MGAT5B: variants seen among roughly 807,000 people sequenced by gnomAD.
MGAT5B encodes alpha-1,6-mannosylglycoprotein 6-beta-N-acetylglucosaminyltransferase B.
Under a neutral mutation model 95.1 loss-of-function variants are expected in MGAT5B, and 54 were observed. The ratio of observed to expected loss-of-function variants is 0.57; its 90% CI spans 0.46 to 0.71. MGAT5B has a LOEUF of 0.71. Among genes scored for constraint, MGAT5B ranks in the 30% least tolerant of loss-of-function variants. MGAT5B has a pLI of 0.00. For missense variants in MGAT5B, 935 were observed against 1,088.6 expected, an observed-to-expected ratio of 0.86 and a Z score of 1.99; for synonymous variants, 464 against 451.0, an observed-to-expected ratio of 1.03 and a Z score of -0.36.
At chr17:76,942,139 G>A (rs940678622) in intron 15 of MGAT5B, among the ~76,000 whole-genome samples, 2 of 152,224 alleles carry the variant, frequency 1.3e-5, no homozygotes, top group Non-Finnish European at 2.9e-5. Flanking sequence ...TAGACAGAGT[G>A]GGGAGGGATA....
chr17:76,942,144 G>A (rs573904326), intron 15 of MGAT5B, among the ~76,000 whole-genome samples: 3 of 152,220 alleles, frequency 2.0e-5, no homozygotes, highest in Non-Finnish European at 2.9e-5. Flanking sequence ...AGAGTGGGGA[G>A]GGATAAAAAG....
intron 2 of MGAT5B, among the ~76,000 whole-genome samples, chr17:76,879,456 T>C (rs902738699): frequency 2.0e-5 from 3 of 152,148 alleles, no homozygotes; most frequent in Non-Finnish European, 2.9e-5. Flanking sequence ...GGATGAAACA[T>C]TCCTTTTTTC....
rs142267650 is a variant in MGAT5B at position 76,947,862 on chromosome 17, A to G, written c.1956A>G (p.Pro652=). The change falls in exon 17 of 18, where the codon CCA becomes CCG. Residue 652 remains proline, a synonymous_variant. Coordinates refer to ENST00000569840, the MANE Select transcript of MGAT5B (RefSeq NM_001199172.2). ...DFCRAPDPAL[P]EAHAPQSPFV... is the part of the protein sequence containing the mutation. ...GCAGAGCTCCAGACCCTGCCCTACC[A>G]GAGGCCCACGCCCCGCAGAGCCCCT... 37 of 1,592,632 alleles carry G rather than the reference A, an allele frequency of 2.3e-5. No homozygotes were observed. Among genetic ancestry groups the G allele is most frequent in the Non-Finnish European group, 2.7e-5 (32 of 1,166,238 alleles).
Position 76,940,006 on chromosome 17 carries a change from T to C in MGAT5B, c.1585-396T>C, listed in dbSNP as rs1969811862. The stretch of plus-strand genomic sequence containing the variant: ...AGATGCTGAATAAATGTTTTTGGGA[T>C]GAGTGAGTGAGGTTCCTGGAGGTCT... On this transcript the variant is annotated intron_variant, in intron 13 of 17. Coordinates refer to ENST00000569840, the MANE Select transcript of MGAT5B (RefSeq NM_001199172.2). This position sits in a 1 kb window ranked among gnomAD's most constrained non-coding sequence, Gnocchi z 4.3. 6.6e-6 allele frequency among the ~76,000 whole-genome samples: 1 copy of C among 152,134 alleles called. No homozygotes were observed. The highest frequency in any genetic ancestry group is 1.5e-5 in the Non-Finnish European group (1 of 68,018).
chr17:76,908,623 A>C (rs1372568426), intron 8 of MGAT5B, among the ~76,000 whole-genome samples: 1 of 151,896 alleles, frequency 6.6e-6, no homozygotes, highest in Non-Finnish European at 1.5e-5. Flanking sequence ...ATATGTGTAC[A>C]TATTTATGGG....
At position 76,906,252 on chromosome 17, in the gene MGAT5B, C is replaced by T; in HGVS notation, c.1025+65C>T. On this transcript the variant is annotated intron_variant, in intron 8 of 17. Transcript: ENST00000569840. The surrounding 1 kb of genome is among the most constrained non-coding windows in gnomAD (Gnocchi z 4.6). ...GGAGGGGATGAAGGGGAACCCCACC[C>T]CTCCCTCCCAGGGGCTGTGGGAGCA... is the stretch of plus-strand genomic sequence containing the variant. 1.3e-6 allele frequency: 2 copies of T among 1,489,680 alleles called. No homozygotes were observed. The highest frequency in any genetic ancestry group is 2.5e-5 in the Admixed American group (1 of 39,458). The allele number at this position is 1,489,680 out of a possible 1,614,324, so 92.3% of individuals were successfully genotyped here.
Position 76,916,797 on chromosome 17 carries a change from G to C in MGAT5B, c.1026-8169G>C, listed in dbSNP as rs185426609. ...CAGTGTTCTTCCTCTGCCAAGGACA[G>C]ACCAAGAGAGCGTCTTGTCAGATGG... On this transcript the variant is annotated intron_variant, in intron 8 of 17. Transcript: ENST00000569840. The surrounding 1 kb of genome is among the most constrained non-coding windows in gnomAD (Gnocchi z 5.3). Among the ~76,000 whole-genome samples, 17 of 152,286 alleles carry C rather than the reference G, an allele frequency of 1.1e-4. No individual in the cohort carries two copies. Among genetic ancestry groups the C allele is most frequent in the Admixed American group, 7.8e-4 (12 of 15,292 alleles).
At chr17:76,901,393 T>C (rs1598930579) in intron 3 of MGAT5B, among the ~76,000 whole-genome samples, 1 of 137,670 alleles carries the variant, frequency 7.3e-6, no homozygotes, top group Non-Finnish European at 1.5e-5. Flanking sequence ...GGAAACCGAA[T>C]TAATGTGTTA....
intron 15 of MGAT5B, among the ~76,000 whole-genome samples, chr17:76,942,442 G>A (rs962445751): frequency 6.6e-6 from 1 of 152,092 alleles, no homozygotes; most frequent in Non-Finnish European, 1.5e-5. Context: ...CAGGAGAATC[G>A]CTTGAACCTG....
In MGAT5B at chr17:76,946,464, C is replaced by A. The variant is rs1970033165; in HGVS notation, c.1923+14C>A. 2 of 1,572,116 alleles carry A rather than the reference C, an allele frequency of 1.3e-6. No individual in the cohort carries two copies. The highest frequency in any genetic ancestry group is 1.8e-5 in the Admixed American group (1 of 56,268). ...ATCCAGCACCAGGTCAGTGAGCCCT[C>A]TGGTCCCTGCCCCAGATCCTGTCAG... On this transcript the variant is annotated intron_variant, in intron 16 of 17. Coordinates refer to ENST00000569840, the MANE Select transcript of MGAT5B (RefSeq NM_001199172.2).
rs752325970 is a variant in MGAT5B at position 76,882,233 on chromosome 17, G to T, written c.264G>T (p.Leu88=). ...LELMVKRMDA[L]ARLENSSELH... is the part of the protein sequence containing the mutation. ...TGATGGTGAAGCGCATGGACGCACT[G>T]GCCAGGCTGGAGAACAGCAGTGAGC... The change falls in exon 3 of 18, where the codon CTG becomes CTT. Residue 88 remains leucine (L), a synonymous_variant. Coordinates refer to ENST00000569840, the MANE Select transcript of MGAT5B (RefSeq NM_001199172.2). 12 of 1,613,562 alleles carry T rather than the reference G, an allele frequency of 7.4e-6. No individual in the cohort carries two copies. In the African/African-American group the frequency reaches 1.6e-4, roughly 22 times the overall value.
chr17:76,910,672 G>A (rs1053939380), intron 8 of MGAT5B, among the ~76,000 whole-genome samples: 4 of 152,234 alleles, frequency 2.6e-5, no homozygotes, highest in Non-Finnish European at 5.9e-5. Flanking sequence ...CAGAGAATCA[G>A]TGTTTTCTAC....
intron 9 of MGAT5B, among the ~76,000 whole-genome samples, chr17:76,926,006 A>G (rs1344331637): frequency 6.6e-6 from 1 of 152,186 alleles, no homozygotes; most frequent in Admixed American, 6.5e-5. Flanking sequence ...TGGAGACAGC[A>G]GAGGGAGAAG....
chr17:76,884,502 C>G (rs990021010), intron 3 of MGAT5B, among the ~76,000 whole-genome samples: 1 of 152,088 alleles, frequency 6.6e-6, no homozygotes, highest in Non-Finnish European at 1.5e-5. Flanking sequence ...GGCACGGTCT[C>G]GGGTCACTGC....
At chr17:76,919,920 G>T (rs1005200899) in intron 8 of MGAT5B, among the ~76,000 whole-genome samples, 3 of 152,104 alleles carry the variant, frequency 2.0e-5, no homozygotes, top group Non-Finnish European at 4.4e-5. Flanking sequence ...ATTCCTTCCT[G>T]CCCCGAGAGG....
At chr17:76,876,333 G>A (rs962406883) in intron 2 of MGAT5B, among the ~76,000 whole-genome samples, 8 of 152,006 alleles carry the variant, frequency 5.3e-5, no homozygotes, top group Non-Finnish European at 2.9e-5. Flanking sequence ...GAGGGATCTT[G>A]GAAGTCCTGG....
rs149546541 is a variant in MGAT5B at position 76,927,518 on chromosome 17, G to A, written c.1291+788G>A. 3.8e-3 allele frequency among the ~76,000 whole-genome samples: 584 copies of A among 152,350 alleles called. 3 individuals carry two copies. Among genetic ancestry groups the A allele is most frequent in the African/African-American group, 0.011 (462 of 41,578 alleles). ...GCCTCCCAAAGTGCTGGGATTACAG[G>A]TGCAAGCCACCGTGCCCGGGTTTCA... On this transcript the variant is annotated intron_variant, in intron 10 of 17. Transcript: ENST00000569840.
intron 3 of MGAT5B, among the ~76,000 whole-genome samples, chr17:76,886,035 A>G (rs1598903871): frequency 6.6e-6 from 1 of 152,242 alleles, no homozygotes; most frequent in Admixed American, 6.5e-5. Flanking sequence ...GTGTTTCCTC[A>G]GGGAAAGTAA....
intron 8 of MGAT5B, among the ~76,000 whole-genome samples, chr17:76,907,641 A>G (rs954736348): frequency 6.6e-6 from 1 of 152,136 alleles, no homozygotes; most frequent in Non-Finnish European, 1.5e-5. Flanking sequence ...CTGTTTTTGA[A>G]ATGGTTTTGA....
Sources: gnomAD v4.1 joint callset for allele counts (sites outside exome capture counted in the v4.1 genomes callset) on GRCh38, gnomAD v4.1.1 for gene constraint, Gnocchi (gnomAD v3.1) non-coding constraint, MANE v1.5 for transcripts, NCBI Gene and HGNC (gene_info 2026-07-23, HGNC 2026-07-21) for gene names.